Variants in ZFHX3 observed in about 807,000 individuals in gnomAD.
ZFHX3 encodes zinc finger homeobox protein 3.
Under a neutral mutation model 279.1 loss-of-function variants are expected in ZFHX3, and 42 were observed. The observed-to-expected ratio is 0.15, with a 90% CI of 0.12 to 0.19. ZFHX3 has a LOEUF of 0.19. Among genes scored for constraint, ZFHX3 ranks in the 10% least tolerant of loss-of-function variants. The pLI is 1.00. For synonymous variants in ZFHX3, 2,293 were observed against 1,957.8 expected, an observed-to-expected ratio of 1.17 and a Z score of -4.52; for missense variants, 4,981 against 4,754.0, an observed-to-expected ratio of 1.05 and a Z score of -1.40.
At chr16:73,772,575 A>T (rs1349012353) in intron 1 of ZFHX3, among the ~76,000 whole-genome samples, 1 of 152,184 alleles carries the variant, frequency 6.6e-6, no homozygotes, top group Non-Finnish European at 1.5e-5. Flanking sequence ...TTTCTGCCGT[A>T]GGTGTCTTTC....
intron 1 of ZFHX3, among the ~76,000 whole-genome samples, chr16:73,830,264 C>T (rs1473914621): frequency 2.8e-5 from 4 of 142,864 alleles, no homozygotes; most frequent in African/African-American, 7.9e-5. Flanking sequence ...TGCTTCGGCT[C>T]GCGCACGGTG....
intron 3 of ZFHX3, among the ~76,000 whole-genome samples, chr16:72,916,194 C>A (rs566074471): frequency 6.6e-6 from 1 of 152,176 alleles, no homozygotes; most frequent in African/African-American, 2.4e-5. Context: ...CTCCGCCTTT[C>A]TTTTTCTCAA....
chr16:73,178,224 G>A (rs1292731624), intron 5 of ZFHX3, among the ~76,000 whole-genome samples: 1 of 151,182 alleles, frequency 6.6e-6, no homozygotes, highest in Admixed American at 6.6e-5. Flanking sequence ...TGCAACCTCT[G>A]CCTCCTCAGT....
intron 2 of ZFHX3, among the ~76,000 whole-genome samples, chr16:73,658,974 T>C (rs1397725683): frequency 6.6e-6 from 1 of 152,072 alleles, no homozygotes; most frequent in Admixed American, 6.6e-5. Context: ...TCCACCCAGA[T>C]TCTAAGATAG....
chr16:72,957,107 T>C (rs73592724), intron 2 of ZFHX3, among the ~76,000 whole-genome samples: 3,798 of 152,274 alleles, frequency 0.025, 153 homozygotes, highest in African/African-American at 0.086. Flanking sequence ...TAGGTGATTA[T>C]AGTGATTTTT....
intron 2 of ZFHX3, among the ~76,000 whole-genome samples, chr16:73,530,532 A>C (rs2019781134): frequency 1.3e-5 from 2 of 152,182 alleles, no homozygotes; most frequent in African/African-American, 4.8e-5. Flanking sequence ...ATTAGAGTTC[A>C]GACACTGTAA....
chr16:73,522,181 T>A (rs2019618822), intron 2 of ZFHX3, among the ~76,000 whole-genome samples: 4 of 152,202 alleles, frequency 2.6e-5, no homozygotes. Context: ...AAAAATTAAT[T>A]GTGAAAAATT....
intron 3 of ZFHX3, among the ~76,000 whole-genome samples, chr16:72,906,196 G>A (rs148499919): frequency 3.7e-4 from 57 of 152,068 alleles, no homozygotes; most frequent in African/African-American, 1.3e-3. Context: ...GAATGAGACT[G>A]GAAGGCCGGC....
intron 1 of ZFHX3, among the ~76,000 whole-genome samples, chr16:73,804,972 G>A (rs966216020): frequency 3.4e-5 from 5 of 145,770 alleles, no homozygotes; most frequent in African/African-American, 1.0e-4. Context: ...GGGAGGGAGG[G>A]AGAGAGAGAG....
At chr16:72,819,061 T>C (rs1013704627) in intron 5 of ZFHX3, among the ~76,000 whole-genome samples, 3 of 152,230 alleles carry the variant, frequency 2.0e-5, no homozygotes, top group African/African-American at 4.8e-5. Context: ...TTTTACTTTT[T>C]GTTTGGAAAT....
chr16:73,873,571 C>T (rs1299983346), intron 1 of ZFHX3, among the ~76,000 whole-genome samples: 5 of 128,730 alleles, frequency 3.9e-5, no homozygotes, highest in African/African-American at 1.2e-4. Context: ...TTACTTTTTA[C>T]AGAGAAAAAA....
intron 2 of ZFHX3, among the ~76,000 whole-genome samples, chr16:73,619,747 C>T (rs1597031495): frequency 6.6e-6 from 1 of 151,998 alleles, no homozygotes. Context: ...TACCCCATTT[C>T]CTGCCTACCA....
intron 4 of ZFHX3, among the ~76,000 whole-genome samples, chr16:73,299,933 T>A (rs1194362886): frequency 1.3e-5 from 2 of 152,124 alleles, no homozygotes; most frequent in African/African-American, 2.4e-5. Flanking sequence ...ATTTTACAAA[T>A]CTGAATGATT....
intron 3 of ZFHX3, among the ~76,000 whole-genome samples, chr16:72,914,399 C>T (rs1043594255): frequency 6.6e-6 from 1 of 152,176 alleles, no homozygotes; most frequent in Non-Finnish European, 1.5e-5. Context: ...CCCATCTCAG[C>T]CCCTATCTAC....
intron 1 of ZFHX3, among the ~76,000 whole-genome samples, chr16:73,788,535 T>A (rs1188644082): frequency 6.6e-6 from 1 of 152,160 alleles, no homozygotes; most frequent in East Asian, 1.9e-4. Flanking sequence ...GTGTGTTGTA[T>A]GTCTGCTCTG....
intron 1 of ZFHX3, among the ~76,000 whole-genome samples, chr16:73,680,405 G>A (rs901160090): frequency 6.6e-6 from 1 of 152,172 alleles, no homozygotes. Flanking sequence ...GTCACGGCTC[G>A]AATGAATGTT....
chr16:73,732,064 T>C lies in ZFHX3; in HGVS notation c.-1607-51824A>G, dbSNP rs2053574082. 2.0e-5 allele frequency among the ~76,000 whole-genome samples: 3 copies of C among 152,226 alleles called. No individual in the cohort carries two copies. In the South Asian group the frequency reaches 6.2e-4, roughly 31 times the overall value. Reference sequence around the variant, plus strand: ...ATTTTGAAATTACTCTAACTCTGAATGAAACTCATTCCATTTAGTAAGCAT... The same window carrying C: ...ATTTTGAAATTACTCTAACTCTGAACGAAACTCATTCCATTTAGTAAGCAT... On this transcript the variant is annotated intron_variant, in intron 1 of 17. Coordinates refer to the ZFHX3 transcript ENST00000641206.
At chr16:73,770,900 G>A (rs534606821) in intron 1 of ZFHX3, among the ~76,000 whole-genome samples, 1 of 152,290 alleles carries the variant, frequency 6.6e-6, no homozygotes, top group African/African-American at 2.4e-5. Context: ...TTATGTGTTA[G>A]ACGGATGGAT....
At chr16:72,840,210 T>A (rs1379443217) in intron 4 of ZFHX3, among the ~76,000 whole-genome samples, 2 of 152,156 alleles carry the variant, frequency 1.3e-5, no homozygotes, top group East Asian at 1.9e-4. Context: ...AAGGAGGGCC[T>A]GTAAGTGTAC....
Sources: allele counts gnomAD v4.1 joint callset (sites outside exome capture counted in the v4.1 genomes callset), GRCh38; gene constraint gnomAD v4.1.1; transcripts MANE v1.5; gene names NCBI Gene and HGNC (gene_info 2026-07-23, HGNC 2026-07-21).